SEMA3A: variants seen among roughly 807,000 people sequenced by gnomAD.
SEMA3A encodes semaphorin 3A, also known as semaphorin-3A.
Under a neutral mutation model 97.9 loss-of-function variants are expected in SEMA3A, and 29 were observed. The observed-to-expected ratio is 0.30, with a 90% CI of 0.22 to 0.40. The LOEUF (loss-of-function observed/expected upper bound fraction) is 0.40, where lower values mean the gene tolerates loss of function less well. SEMA3A is among the 10% of genes least tolerant of loss of function. The probability of loss-of-function intolerance (pLI) is 1.00; values close to 1 mark genes in which losing one functional copy is unlikely to be tolerated. For synonymous variants in SEMA3A, 321 were observed against 323.7 expected (o/e 0.99, Z 0.09); for missense variants, 763 against 951.3 (o/e 0.80, Z 2.60).
chr7:84,213,124 T>A (rs921506941), intron 3 of SEMA3A, among the ~76,000 whole-genome samples: 8 of 152,124 alleles, frequency 5.3e-5, no homozygotes, highest in African/African-American at 1.7e-4. Context: ...ATTACAGGCA[T>A]GTGCCACCAT....
intron 6 of SEMA3A, among the ~76,000 whole-genome samples, chr7:84,028,973 T>C (rs939648468): frequency 1.3e-5 from 2 of 152,156 alleles, no homozygotes; most frequent in African/African-American, 4.8e-5. Context: ...TTTGCATTTC[T>C]ATATTATTGA....
intron 11 of SEMA3A, among the ~76,000 whole-genome samples, chr7:84,003,787 A>G (rs1458679354): frequency 6.6e-6 from 1 of 152,118 alleles, no homozygotes; most frequent in Non-Finnish European, 1.5e-5. Flanking sequence ...ACTAATATTT[A>G]CCCAAGAGAA....
intron 5 of SEMA3A, among the ~76,000 whole-genome samples, chr7:84,055,681 C>T (rs917085597): frequency 2.0e-4 from 30 of 151,924 alleles, no homozygotes; most frequent in African/African-American, 6.5e-4. Flanking sequence ...TGCTCACGCT[C>T]GGAGCTGTAG....
At chr7:84,173,559 C>CAAA (rs34919422) in intron 1 of SEMA3A, among the ~76,000 whole-genome samples, 34 of 80,666 alleles carry the variant, frequency 4.2e-4, no homozygotes, top group East Asian at 1.0e-3. Context: ...AACTCTGTCT[C>CAAA]AAAAAAAAAA....
intron 1 of SEMA3A, among the ~76,000 whole-genome samples, chr7:84,435,830 A>G (rs1805113105): frequency 6.6e-6 from 1 of 152,172 alleles, no homozygotes; most frequent in South Asian, 2.1e-4. Flanking sequence ...ACTATTGTAA[A>G]ATTCACATGG....
At chr7:84,096,181 G>A (rs2115875861) in intron 4 of SEMA3A, among the ~76,000 whole-genome samples, 1 of 152,146 alleles carries the variant, frequency 6.6e-6, no homozygotes, top group East Asian at 1.9e-4. Context: ...TAATGGAAAA[G>A]ACTCTGAATT....
chr7:84,227,906 T>TGC (rs1335248140), intron 3 of SEMA3A, among the ~76,000 whole-genome samples: 1 of 151,310 alleles, frequency 6.6e-6, no homozygotes, highest in East Asian at 2.0e-4. Flanking sequence ...TGTGTGTGTG[T>TGC]GCGTGCGTGT....
At chr7:84,123,266 C>T (rs938938271) in intron 3 of SEMA3A, among the ~76,000 whole-genome samples, 3 of 151,856 alleles carry the variant, frequency 2.0e-5, no homozygotes, top group African/African-American at 4.8e-5. Flanking sequence ...AGAAAAATAC[C>T]GAAAATGGGA....
At chr7:84,047,617 A>C (rs1411250297) in intron 5 of SEMA3A, among the ~76,000 whole-genome samples, 1 of 152,068 alleles carries the variant, frequency 6.6e-6, no homozygotes. Flanking sequence ...GCCTTTCTAC[A>C]TACAGTGAGT....
intron 2 of SEMA3A, among the ~76,000 whole-genome samples, chr7:84,337,192 A>C (rs902250352): frequency 6.6e-6 from 1 of 152,150 alleles, no homozygotes; most frequent in African/African-American, 2.4e-5. Context: ...AGCATTAATA[A>C]ATTTTATTTA....
chr7:84,114,379 G>A (rs10231580), intron 3 of SEMA3A, among the ~76,000 whole-genome samples: 35,993 of 151,856 alleles, frequency 0.24, 4,462 homozygotes, highest in African/African-American at 0.32. Flanking sequence ...ACTTGTTCTG[G>A]CTCAACTATA....
chr7:84,254,146 TTAA>T (rs1161712696), intron 3 of SEMA3A, among the ~76,000 whole-genome samples: 4 of 152,094 alleles, frequency 2.6e-5, no homozygotes. Flanking sequence ...TGTGAGAGAT[TTAA>T]TCATCTCAGT....
In SEMA3A at chr7:84,146,295, C is replaced by T. The variant is rs115526114; in HGVS notation, c.113-11344G>A. Among the ~76,000 whole-genome samples, 1,445 of 152,158 alleles carry T rather than the reference C, an allele frequency of 9.5e-3. 26 individuals are homozygous for T. Among genetic ancestry groups the T allele is most frequent in the African/African-American group, 0.034 (1,396 of 41,516 alleles). Reference sequence around the variant, plus strand: ...CATTAAATTAAAGATCTAGAGGGATCTTTAGACTGTCTGAAGTCTGACTAC... The same window carrying T: ...CATTAAATTAAAGATCTAGAGGGATTTTTAGACTGTCTGAAGTCTGACTAC... On this transcript the variant is annotated intron_variant, in intron 1 of 16. Transcript: ENST00000265362.
intron 4 of SEMA3A, among the ~76,000 whole-genome samples, chr7:84,061,988 G>A (rs1328090682): frequency 1.3e-5 from 2 of 152,118 alleles, no homozygotes; most frequent in Non-Finnish European, 2.9e-5. Flanking sequence ...TGGTTCTCTG[G>A]TCACTGTTTC....
chr7:84,210,262 C>T (rs1375918099), intron 3 of SEMA3A, among the ~76,000 whole-genome samples: 1 of 152,006 alleles, frequency 6.6e-6, no homozygotes, highest in Admixed American at 6.6e-5. Context: ...ACAAATACAG[C>T]ATGGTAATTG....
intron 1 of SEMA3A, among the ~76,000 whole-genome samples, chr7:84,159,391 C>A (rs1380948677): frequency 3.9e-5 from 6 of 152,040 alleles, no homozygotes; most frequent in African/African-American, 1.2e-4. Context: ...TTTTTCCGTA[C>A]CTTTTTATTT....
At chr7:84,351,930 T>C (rs1037890176) in intron 2 of SEMA3A, among the ~76,000 whole-genome samples, 4 of 152,062 alleles carry the variant, frequency 2.6e-5, no homozygotes, top group African/African-American at 9.7e-5. Context: ...CCCATGTTTA[T>C]TGCAGCACTA....
chr7:84,139,458 A>G (rs1456517800), intron 1 of SEMA3A, among the ~76,000 whole-genome samples: 1 of 152,090 alleles, frequency 6.6e-6, no homozygotes, highest in African/African-American at 2.4e-5. Context: ...TGACTAAAGA[A>G]GCATTCTGTT....
At chr7:84,351,584 G>A (rs1238600659) in intron 2 of SEMA3A, among the ~76,000 whole-genome samples, 2 of 151,844 alleles carry the variant, frequency 1.3e-5, no homozygotes, top group African/African-American at 2.4e-5. Context: ...TTTTTCAAAA[G>A]AAGATATAAA....
Sources: gnomAD v4.1 joint callset for allele counts (sites outside exome capture counted in the v4.1 genomes callset) on GRCh38, gnomAD v4.1.1 for gene constraint, MANE v1.5 for transcripts, NCBI Gene and HGNC (gene_info 2026-07-23, HGNC 2026-07-21) for gene names.